MYO7A: variants seen among roughly 807,000 people sequenced by gnomAD.
The protein encoded by MYO7A is myosin VIIA.
Under a neutral mutation model 263.8 loss-of-function variants are expected in MYO7A, and 210 were observed. That is an observed-to-expected ratio of 0.80 (90% CI 0.71 to 0.89). The LOEUF is 0.89. Among genes scored for constraint, MYO7A ranks in the 40% least tolerant of loss-of-function variants. The probability of loss-of-function intolerance (pLI) is 0.00; values close to 1 mark genes in which losing one functional copy is unlikely to be tolerated. For synonymous variants in MYO7A, 1,239 were observed against 1,197.3 expected (o/e 1.03, Z -0.72); for missense variants, 2,820 against 2,968.3 (o/e 0.95, Z 1.16).
At chr11:77,187,979 A>G (rs1955765336) in intron 27 of MYO7A, among the ~76,000 whole-genome samples, 1 of 152,224 alleles carries the variant, frequency 6.6e-6, no homozygotes, top group Non-Finnish European at 1.5e-5. Context: ...ACCTGCCAAC[A>G]GGAGGAAAAG....
chr11:77,189,929 CGGCCTCCAAGTGCCGGGAG>C, intron 28 of MYO7A, 72 bp from the exon 29 acceptor site: 2 of 1,438,824 alleles, frequency 1.4e-6, no homozygotes, highest in South Asian at 3.0e-5. Flanking sequence ...CCTGGAGGAG[CGGCCTCCAAGTGCCGGGAG>C]GGCCTGGCGG....
rs55880704 is a variant in MYO7A, at chr11:77,156,187, C to G, written c.470+96C>G. 6.6e-6 allele frequency: 9 copies of G among 1,367,562 alleles called. No individual in the cohort carries two copies. In the African/African-American group the frequency reaches 1.0e-4, roughly 15 times the overall value. 84.7% of individuals were successfully genotyped at this position (1,367,562 alleles called of 1,614,324 possible). ...TACCTCTAGGAATTGCCCCCGCTGT[C>G]GGAAATGCCATCAAGCTCTTCAGGA... On this transcript the variant is annotated intron_variant, in intron 5 of 48. Transcript: ENST00000409709.
At chr11:77,149,012 G>A (rs1173709014) in intron 4 of MYO7A, among the ~76,000 whole-genome samples, 3 of 152,208 alleles carry the variant, frequency 2.0e-5, no homozygotes, top group African/African-American at 7.2e-5. Flanking sequence ...CTTCCTGCAA[G>A]GGTCTTGGAC....
chr11:77,175,004 G>A, intron 17 of MYO7A, 90 bp downstream of exon 17: 1 of 1,517,232 alleles, frequency 6.6e-7, no homozygotes, highest in South Asian at 1.2e-5. Context: ...ACCATGGGCG[G>A]GGCTTGACAT....
chr11:77,211,362 A>G, intron 45 of MYO7A, 25 bp downstream of exon 45: 1 of 1,560,368 alleles, frequency 6.4e-7, no homozygotes, highest in Non-Finnish European at 8.7e-7. Context: ...GGCATCGGGA[A>G]TGGTGGGGCC....
rs1254420609 is a variant in MYO7A, at chr11:77,203,133, A to T, written c.5242A>T (p.Thr1748Ser). The T allele has an allele frequency of 6.4e-7, 1 of 1,550,486 alleles. No individual in the cohort carries two copies. Among genetic ancestry groups the T allele is most frequent in the South Asian group, 1.2e-5 (1 of 84,042 alleles). ...AGGCAAGGACCGGCTGTGGAGCCAC[A>T]CGCGGGAACCGCTCAAGCAGGCGCT... ...ARGKDRLWSH[T>S]REPLKQALLK... Residue 1748 changes from threonine (T) to serine (S), a missense_variant, in exon 38 of 49, where the codon ACG (threonine) becomes TCG (serine). Coordinates refer to ENST00000409709, the MANE Select transcript of MYO7A (RefSeq NM_000260.4).
chr11:77,192,986 G>GTGA (rs1956265899), intron 31 of MYO7A, among the ~76,000 whole-genome samples: 1 of 59,108 alleles, frequency 1.7e-5, no homozygotes, highest in African/African-American at 1.2e-4. Context: ...AGTTGTGATG[G>GTGA]TGGAGGTAGT....
chr11:77,205,968 G>A (rs1480358332), intron 40 of MYO7A, 129 bp from the exon 41 acceptor site: 3 of 759,182 alleles, frequency 4.0e-6, no homozygotes, highest in Non-Finnish European at 6.7e-6. Context: ...GGGAGACTCA[G>A]TGGCCGGTCA....
At chr11:77,209,826 C>T (rs527287607) in intron 44 of MYO7A, among the ~76,000 whole-genome samples, 1 of 152,168 alleles carries the variant, frequency 6.6e-6, no homozygotes, top group Non-Finnish European at 1.5e-5. Flanking sequence ...TTTCCAGATT[C>T]CCCCAGTGGA....
chr11:77,142,685 G>A, intron 2 of MYO7A, 24 bp from the exon 3 acceptor site: 2 of 1,585,802 alleles, frequency 1.3e-6, no homozygotes, highest in Non-Finnish European at 1.7e-6. Flanking sequence ...GCTCACCTGG[G>A]CTGAGACTCT....
intron 2 of MYO7A, among the ~76,000 whole-genome samples, chr11:77,134,739 T>A (rs1191211075): frequency 2.0e-5 from 3 of 152,156 alleles, no homozygotes; most frequent in Non-Finnish European, 4.4e-5. Flanking sequence ...TTTTTCCAAT[T>A]TTGTATTTTT....
At chr11:77,183,006 T>C in intron 25 of MYO7A, 62 bp from the exon 26 acceptor site, 1 of 1,387,340 alleles carries the variant, frequency 7.2e-7, no homozygotes, top group South Asian at 1.2e-5. Flanking sequence ...AGTCTTGCTG[T>C]CGGGGGTCTC....
Position 77,182,100 on chromosome 11 carries a change from C to T in MYO7A, c.3054C>T (p.Thr1018=). 6.2e-7 allele frequency: 1 copy of T among 1,613,368 alleles called. No individual in the cohort carries two copies. The highest frequency in any genetic ancestry group is 8.5e-7 in the Non-Finnish European group (1 of 1,179,848). The change falls in exon 24 of 49, where the codon ACC becomes ACT. Residue 1018 remains threonine, a synonymous_variant. Transcript: ENST00000409709. ...YFQGTTTHSY[T]RRPLKQPLLY... is the part of the protein sequence containing the mutation. ...AGGGGACAACCACGCACTCCTACACCCGGCGGCCACTCAAACAGCCACTGC... is the reference window on the plus strand; with the variant it reads ...AGGGGACAACCACGCACTCCTACACTCGGCGGCCACTCAAACAGCCACTGC...
rs782157480 is a variant in MYO7A at position 77,179,081 on chromosome 11, G to T, written c.2319G>T (p.Leu773=). The T allele has an allele frequency of 8.1e-6, 13 of 1,609,444 alleles. No homozygotes were observed. In the South Asian group the frequency reaches 1.2e-4, roughly 15 times the overall value. The stretch of plus-strand genomic sequence containing the variant: ...TGAAGCTGAAGAACGCTGCCACACT[G>T]ATCCAGAGGCACTGGCGGGGTCACA... ...NFLKLKNAAT[L]IQRHWRGHNC... Residue 773 remains leucine, a synonymous_variant, in exon 20 of 49, where the codon CTG becomes CTT. Coordinates refer to ENST00000409709, the MANE Select transcript of MYO7A (RefSeq NM_000260.4).
At chr11:77,198,107 C>T (rs536844400) in intron 33 of MYO7A, among the ~76,000 whole-genome samples, 1 of 152,348 alleles carries the variant, frequency 6.6e-6, no homozygotes, top group East Asian at 1.9e-4. Flanking sequence ...CAGCCATCCT[C>T]GGGCCATCGT....
intron 15 of MYO7A, among the ~76,000 whole-genome samples, chr11:77,167,150 G>T (rs1555073108): frequency 6.6e-6 from 1 of 152,178 alleles, no homozygotes; most frequent in East Asian, 1.9e-4. Flanking sequence ...GGTTTGTGGA[G>T]TGATTTTTGT....
In MYO7A at chr11:77,211,473, A is replaced by T. The variant is rs984228829; in HGVS notation, c.6237+136A>T. 61 of 1,014,638 alleles carry T rather than the reference A, an allele frequency of 6.0e-5. 1 individual carries two copies. The East Asian group carries it at 1.6e-3, about 26-fold the overall frequency. 62.9% of individuals were successfully genotyped at this position (1,014,638 alleles called of 1,614,324 possible). A position where few individuals can be genotyped will look rare whatever the true frequency, so the allele number is the denominator to read the frequency against. The stretch of plus-strand genomic sequence containing the variant: ...GTTCTTGTACTTGATGAGGCCGCCC[A>T]CCCTTGTTCCTCCACCTGCCTTATC... On this transcript the variant is annotated intron_variant, in intron 45 of 48. Coordinates refer to ENST00000409709, the MANE Select transcript of MYO7A (RefSeq NM_000260.4).
chr11:77,190,987 C>T (rs1032640179), intron 30 of MYO7A, 117 bp downstream of exon 30: 2 of 1,196,042 alleles, frequency 1.7e-6, no homozygotes, highest in South Asian at 3.1e-5. Context: ...TCGGTTTCCC[C>T]CTGAGCCTGT....
chr11:77,188,677 T>C (rs1339778148), intron 27 of MYO7A, among the ~76,000 whole-genome samples: 1 of 152,202 alleles, frequency 6.6e-6, no homozygotes, highest in Non-Finnish European at 1.5e-5. Flanking sequence ...CCTGGCACTG[T>C]GCTAGGTGTG....
Sources: gnomAD v4.1 joint callset for allele counts (sites outside exome capture counted in the v4.1 genomes callset) on GRCh38, gnomAD v4.1.1 for gene constraint, MANE v1.5 for transcripts, NCBI Gene and HGNC (gene_info 2026-07-23, HGNC 2026-07-21) for gene names.